MAP4K3: variants seen among roughly 807,000 people sequenced by gnomAD.
MAP4K3 encodes MAPK/ERK kinase kinase kinase 3.
MAP4K3 carries 94 observed loss-of-function variants against 143.5 expected under a neutral mutation model. The observed-to-expected ratio is 0.65, with a 90% confidence interval of 0.55 to 0.78. MAP4K3 has a LOEUF of 0.78. Ranked by LOEUF, MAP4K3 falls within the 30% of genes least tolerant of loss-of-function variation. MAP4K3 has a pLI of 0.00. For synonymous variants in MAP4K3, 416 were observed against 347.2 expected (o/e 1.20, Z -2.20); for missense variants, 1,077 against 1,068.1 (o/e 1.01, Z -0.12).
At chr2:39,370,223 C>A (rs528887701) in intron 2 of MAP4K3, among the ~76,000 whole-genome samples, 12 of 152,306 alleles carry the variant, frequency 7.9e-5, no homozygotes, top group African/African-American at 2.9e-4. Flanking sequence ...CTCAGTCAGC[C>A]TCAAGTCATA....
chr2:39,343,359 C>A, intron 4 of MAP4K3, 29 bp downstream of exon 4: 1 of 1,505,042 alleles, frequency 6.6e-7, no homozygotes, highest in South Asian at 1.2e-5. Flanking sequence ...TTCAACCTAA[C>A]CCCTATAAAA....
At chr2:39,252,885 T>G (rs1680203071) in intron 32 of MAP4K3, among the ~76,000 whole-genome samples, 1 of 152,220 alleles carries the variant, frequency 6.6e-6, no homozygotes, top group Non-Finnish European at 1.5e-5. Flanking sequence ...GGGGTTTGCC[T>G]ACTAGAAGAA....
intron 13 of MAP4K3, among the ~76,000 whole-genome samples, chr2:39,310,881 T>C (rs1682916555): frequency 6.6e-6 from 1 of 152,186 alleles, no homozygotes. Context: ...CAATTAGTGA[T>C]ATTTTCATGT....
intron 4 of MAP4K3, among the ~76,000 whole-genome samples, chr2:39,340,682 A>T (rs935917521): frequency 6.6e-6 from 1 of 152,212 alleles, no homozygotes; most frequent in African/African-American, 2.4e-5. Flanking sequence ...TGACTAAAAA[A>T]AGGTACGCCT....
At position 39,425,010 on chromosome 2, in the gene MAP4K3, T is replaced by C. The variant is rs565651972; in HGVS notation, c.96+11882A>G. 4.0e-5 allele frequency among the ~76,000 whole-genome samples: 6 copies of C among 151,890 alleles called. No homozygotes were observed. The South Asian group carries it at 1.3e-3, about 32-fold the overall frequency. On this transcript the variant is annotated intron_variant, in intron 1 of 33. Coordinates refer to ENST00000263881, the MANE Select transcript of MAP4K3 (RefSeq NM_003618.4). ...TGTGGGGAATCCCAAACTGAGAAAT[T>C]AAAATAAAAATCCAAGACCAAAAAG...
chr2:39,372,241 T>A (rs562850209), intron 2 of MAP4K3, among the ~76,000 whole-genome samples: 1 of 150,778 alleles, frequency 6.6e-6, no homozygotes, highest in African/African-American at 2.4e-5. Flanking sequence ...AAATGAAAGA[T>A]CTCTACAATG....
intron 15 of MAP4K3, among the ~76,000 whole-genome samples, chr2:39,305,042 CA>C (rs1558635362): frequency 6.6e-6 from 1 of 152,054 alleles, no homozygotes; most frequent in Non-Finnish European, 1.5e-5. Flanking sequence ...TGTTCGCTGC[CA>C]GGGGCTGGAG....
At chr2:39,327,628 A>T (rs1263526246) in intron 8 of MAP4K3, among the ~76,000 whole-genome samples, 1 of 152,248 alleles carries the variant, frequency 6.6e-6, no homozygotes, top group Non-Finnish European at 1.5e-5. Flanking sequence ...AAGTCAGTAA[A>T]GTCAAAAACA....
chr2:39,360,388 T>C (rs1268365947), intron 2 of MAP4K3, among the ~76,000 whole-genome samples: 2 of 152,192 alleles, frequency 1.3e-5, no homozygotes, highest in Non-Finnish European at 2.9e-5. Context: ...TGTTCCCACA[T>C]CTTTCTGTCT....
intron 12 of MAP4K3, among the ~76,000 whole-genome samples, chr2:39,320,631 T>C (rs1683269341): frequency 6.6e-6 from 1 of 152,128 alleles, no homozygotes; most frequent in African/African-American, 2.4e-5. Flanking sequence ...TGAAGGTGGG[T>C]AGAATGGAGA....
chr2:39,280,043 G>C (rs1371386970), intron 23 of MAP4K3, among the ~76,000 whole-genome samples: 2 of 152,046 alleles, frequency 1.3e-5, no homozygotes, highest in Non-Finnish European at 2.9e-5. Flanking sequence ...AGAATACATG[G>C]CTTCACTATA....
chr2:39,343,558 T>C (rs1665201753), intron 3 of MAP4K3, 106 bp from the exon 4 acceptor site: 1 of 768,796 alleles, frequency 1.3e-6, no homozygotes. Flanking sequence ...AAACAACAAA[T>C]GCAATGTGTT....
Position 39,268,065 on chromosome 2 carries a change from C to T in MAP4K3, c.1974-818G>A, listed in dbSNP as rs573335913. 2.0e-5 allele frequency among the ~76,000 whole-genome samples: 3 copies of T among 151,950 alleles called. No individual in the cohort carries two copies. The South Asian group carries it at 6.2e-4, about 32-fold the overall frequency. On this transcript the variant is annotated intron_variant, in intron 26 of 33. Transcript: ENST00000263881. Reference sequence around the variant, plus strand: ...TATTATAAAAATTTGTGAAGAATTTCTTTTTTAGAAATCTTTGTTTCTCTA... The same window carrying T: ...TATTATAAAAATTTGTGAAGAATTTTTTTTTTAGAAATCTTTGTTTCTCTA...
chr2:39,391,746 A>G (rs1666666587), intron 1 of MAP4K3, among the ~76,000 whole-genome samples: 1 of 152,140 alleles, frequency 6.6e-6, no homozygotes, highest in Non-Finnish European at 1.5e-5. Context: ...CAGAATGAGC[A>G]TTGATTTCTA....
intron 1 of MAP4K3, among the ~76,000 whole-genome samples, chr2:39,396,891 G>A (rs992588590): frequency 1.3e-5 from 2 of 152,108 alleles, no homozygotes; most frequent in Non-Finnish European, 2.9e-5. Flanking sequence ...ACTATCTAAG[G>A]TAAATACATC....
intron 1 of MAP4K3, among the ~76,000 whole-genome samples, chr2:39,436,185 T>C (rs1416252851): frequency 1.3e-5 from 2 of 152,168 alleles, no homozygotes; most frequent in African/African-American, 4.8e-5. Flanking sequence ...AGGAATGCTG[T>C]ACCGCTACTG....
intron 12 of MAP4K3, among the ~76,000 whole-genome samples, chr2:39,316,716 A>T (rs1683122691): frequency 6.6e-6 from 1 of 152,132 alleles, no homozygotes; most frequent in Non-Finnish European, 1.5e-5. Context: ...GTTTCTAACA[A>T]TGAAAGATTA....
chr2:39,414,002 T>G (rs772296625), intron 1 of MAP4K3, among the ~76,000 whole-genome samples: 5 of 152,202 alleles, frequency 3.3e-5, no homozygotes, highest in Non-Finnish European at 7.3e-5. Flanking sequence ...TCAAGGTGAC[T>G]GCAAGGGAAG....
intron 14 of MAP4K3, 57 bp downstream of exon 14, chr2:39,309,404 A>G: frequency 1.5e-6 from 2 of 1,369,880 alleles, no homozygotes; most frequent in South Asian, 2.5e-5. Flanking sequence ...TACATCACAC[A>G]AAAACAAATT....
Sources: allele counts gnomAD v4.1 joint callset (sites outside exome capture counted in the v4.1 genomes callset), GRCh38; gene constraint gnomAD v4.1.1; transcripts MANE v1.5; gene names NCBI Gene and HGNC (gene_info 2026-07-23, HGNC 2026-07-21).